The following SNX15 variants were observed in gnomAD, a reference collection of about 807,000 sequenced individuals.
SNX15 encodes sorting nexin 15, also known as sorting nexin-15.
SNX15 carries 29 observed loss-of-function variants against 35.2 expected under a neutral mutation model. That is an observed-to-expected ratio of 0.82 (90% CI 0.61 to 1.12). The LOEUF (loss-of-function observed/expected upper bound fraction) is 1.12, where lower values mean the gene tolerates loss of function less well. Among genes scored for constraint, SNX15 ranks in the 50% most tolerant of loss-of-function variants. SNX15 has a pLI of 0.00. For synonymous variants in SNX15, 189 were observed against 188.2 expected (o/e 1.00, Z -0.03); for missense variants, 400 against 451.5 (o/e 0.89, Z 1.03).
intron 1 of SNX15, 76 bp downstream of exon 1, chr11:65,027,712 C>A (rs1946388753): frequency 3.8e-6 from 4 of 1,065,678 alleles, no homozygotes; most frequent in South Asian, 1.3e-5. Context: ...AAAGGCGGTG[C>A]AGCCACTGCT....
chr11:65,038,658 C>G lies in SNX15; in HGVS notation c.751C>G (p.Pro251Ala). The G allele has an allele frequency of 6.2e-7, 1 of 1,612,552 alleles. No individual in the cohort carries two copies. Among genetic ancestry groups the G allele is most frequent in the Non-Finnish European group, 8.5e-7 (1 of 1,179,378 alleles). Residue 251 changes from proline to alanine, a missense_variant, in exon 7 of 8, where the codon CCA becomes GCA. Physicochemically the swap from Pro to Ala is conservative, Grantham distance 27. Coordinates refer to ENST00000377244, the MANE Select transcript of SNX15 (RefSeq NM_013306.5). ...AAGGCTGGACCAGGAACCCTGGGAGCCAGGAGGGCAGGAGGAGGAAGAGGA... is the reference window on the plus strand; with the variant it reads ...AAGGCTGGACCAGGAACCCTGGGAGGCAGGAGGGCAGGAGGAGGAAGAGGA... ...SARLDQEPWE[P>A]GGQEEEEDGE...
Sources: gnomAD v4.1 joint callset for allele counts on GRCh38, gnomAD v4.1.1 for gene constraint, MANE v1.5 for transcripts, NCBI Gene and HGNC (gene_info 2026-07-23, HGNC 2026-07-21) for gene names.